Variants in ANO6 observed in about 807,000 individuals in gnomAD.
ANO6 encodes the protein anoctamin-6.
In ANO6, 106 loss-of-function variants were observed where a neutral mutation model predicts 117.5. That is an observed-to-expected ratio of 0.90 (90% CI 0.77 to 1.06). The LOEUF is 1.06. ANO6 is among the 50% of genes least tolerant of loss of function. The pLI is 0.00. For synonymous variants in ANO6, 367 were observed against 385.1 expected, an observed-to-expected ratio of 0.95 and a Z score of 0.55; for missense variants, 955 against 1,121.1, an observed-to-expected ratio of 0.85 and a Z score of 2.12.
intron 19 of ANO6, among the ~76,000 whole-genome samples, chr12:45,426,967 A>G (rs754889174): frequency 1.3e-5 from 2 of 151,676 alleles, no homozygotes; most frequent in Non-Finnish European, 2.9e-5. Context: ...GATGTCTCAC[A>G]TCTGCTGCCC....
At chr12:45,224,494 C>T (rs1384373271) in intron 1 of ANO6, among the ~76,000 whole-genome samples, 1 of 152,168 alleles carries the variant, frequency 6.6e-6, no homozygotes, top group Non-Finnish European at 1.5e-5. Context: ...AGCAAACTAT[C>T]CTCAAACTCT....
intron 2 of ANO6, among the ~76,000 whole-genome samples, chr12:45,308,048 A>ATTTTTTTTT (rs1218638312): frequency 0.069 from 4,765 of 69,218 alleles, 1,251 homozygotes; most frequent in Middle Eastern, 0.13. Context: ...TGTGTGTGTA[A>ATTTTTTTTT]TTTTTTTTTT....
Position 45,216,239 on chromosome 12 carries a change from C to A in ANO6, c.-83C>A. The A allele has an allele frequency of 6.7e-7, 1 of 1,482,388 alleles. No individual in the cohort carries two copies. The highest frequency in any genetic ancestry group is 1.2e-5 in the South Asian group (1 of 82,538). 91.8% of individuals were successfully genotyped at this position (1,482,388 alleles called of 1,614,324 possible). On this transcript the variant is annotated 5_prime_UTR_variant, in exon 1 of 20. Coordinates refer to ENST00000320560, the MANE Select transcript of ANO6 (RefSeq NM_001025356.3). ...GACACACGCCCCGCGGTCCCCGATC[C>A]GGCCCCTGGGAGAGCCGCGCCGTTC... is the stretch of plus-strand genomic sequence containing the variant.
At chr12:45,294,470 G>A (rs1939223039) in intron 1 of ANO6, among the ~76,000 whole-genome samples, 2 of 152,144 alleles carry the variant, frequency 1.3e-5, no homozygotes, top group African/African-American at 4.8e-5. Flanking sequence ...TCTTTGTTGA[G>A]AAGGGGGCCA....
At chr12:45,304,217 GT>G (rs1416737034) in intron 2 of ANO6, among the ~76,000 whole-genome samples, 2 of 152,126 alleles carry the variant, frequency 1.3e-5, no homozygotes, top group African/African-American at 4.8e-5. Flanking sequence ...AGGTGTAGAA[GT>G]GGTGCCTTGA....
At chr12:45,382,528 C>T (rs1942194045) in intron 10 of ANO6, among the ~76,000 whole-genome samples, 1 of 152,186 alleles carries the variant, frequency 6.6e-6, no homozygotes, top group South Asian at 2.1e-4. Flanking sequence ...GGTGCTAAAG[C>T]TTGATCTCAC....
Position 45,431,227 on chromosome 12 carries a change from A to G in ANO6, c.*1916A>G. 1 of 985,334 alleles carries G rather than the reference A, an allele frequency of 1.0e-6. No homozygotes were observed. Among genetic ancestry groups the G allele is most frequent in the Non-Finnish European group, 1.2e-6 (1 of 829,898 alleles). 61.0% of individuals were successfully genotyped at this position (985,334 alleles called of 1,614,324 possible). A position where few individuals can be genotyped will look rare whatever the true frequency, so the allele number is the denominator to read the frequency against. On this transcript the variant is annotated 3_prime_UTR_variant, in exon 20 of 20. Transcript: ENST00000320560. ...GGAGAAATGAATTTCTTCCCACTGAAGGAAACTCTTTCTCATTCGCAGCCA... is the reference window on the plus strand; with the variant it reads ...GGAGAAATGAATTTCTTCCCACTGAGGGAAACTCTTTCTCATTCGCAGCCA...
intron 3 of ANO6, among the ~76,000 whole-genome samples, chr12:45,331,724 A>G (rs1303733833): frequency 6.6e-6 from 1 of 152,106 alleles, no homozygotes; most frequent in African/African-American, 2.4e-5. Flanking sequence ...TGGCTATTCA[A>G]TTAGGTGGCA....
At chr12:45,439,938 G>C in exon 20 of ANO6, 1 of 1,468,954 alleles carries the variant, frequency 6.8e-7, no homozygotes, top group South Asian at 1.6e-5. Context: ...TCTTAAGTTA[G>C]ATTTATTCAA....
intron 1 of ANO6, among the ~76,000 whole-genome samples, chr12:45,221,193 A>C (rs1013922273): frequency 2.0e-5 from 3 of 152,332 alleles, no homozygotes; most frequent in Non-Finnish European, 4.4e-5. Context: ...CTTGCTTGTC[A>C]TGTGGGAAGA....
rs369948637 is a variant in ANO6 at position 45,301,961 on chromosome 12, G to A, written c.71-53G>A. ...TGCTGATTTAAAAGTACAGAACTAC[G>A]TGAGCCAGTGCAGGTTCATGCTTCA... is the stretch of plus-strand genomic sequence containing the variant. On this transcript the variant is annotated intron_variant, in intron 1 of 19. Coordinates refer to ENST00000320560, the MANE Select transcript of ANO6 (RefSeq NM_001025356.3). 124 of 1,467,052 alleles carry A rather than the reference G, an allele frequency of 8.5e-5. No homozygotes were observed. In the East Asian group the frequency reaches 1.8e-3, roughly 21 times the overall value. 90.9% of individuals were successfully genotyped at this position (1,467,052 alleles called of 1,614,324 possible).
In ANO6 at chr12:45,260,852, A is replaced by G. The variant is rs539498899; in HGVS notation, c.71-41162A>G. Among the ~76,000 whole-genome samples the G allele has an allele frequency of 7.9e-5, 12 of 152,118 alleles. 1 individual carries two copies. In the South Asian group the frequency reaches 2.5e-3, roughly 32 times the overall value. On this transcript the variant is annotated intron_variant, in intron 1 of 19. Transcript: ENST00000320560. Reference sequence around the variant, plus strand: ...ACCCAGGCTGGAGTGCAGTGGCGCCATCTTGGCTCACCACAGCCTCAAACT... The same window carrying G: ...ACCCAGGCTGGAGTGCAGTGGCGCCGTCTTGGCTCACCACAGCCTCAAACT...
At chr12:45,337,725 T>A (rs1565700951) in intron 3 of ANO6, among the ~76,000 whole-genome samples, 1 of 152,038 alleles carries the variant, frequency 6.6e-6, no homozygotes, top group Non-Finnish European at 1.5e-5. Flanking sequence ...GGAGAACTAT[T>A]GTACAGCTGA....
chr12:45,261,921 T>G (rs757671198), intron 1 of ANO6, among the ~76,000 whole-genome samples: 3 of 152,214 alleles, frequency 2.0e-5, no homozygotes, highest in Non-Finnish European at 4.4e-5. Context: ...TGGCATGTTT[T>G]ATGGACTATA....
chr12:45,387,522 A>T (rs1942331217), intron 10 of ANO6, among the ~76,000 whole-genome samples: 1 of 152,168 alleles, frequency 6.6e-6, no homozygotes, highest in Non-Finnish European at 1.5e-5. Context: ...AAGGTGCTGG[A>T]ACATATGCTT....
chr12:45,279,271 G>A (rs1565661160), intron 1 of ANO6, among the ~76,000 whole-genome samples: 1 of 152,132 alleles, frequency 6.6e-6, no homozygotes, highest in East Asian at 1.9e-4. Context: ...AGCCTCTTGA[G>A]GGCTTATAAT....
chr12:45,431,292 A>C lies in ANO6; in HGVS notation c.*1981A>C. The C allele has an allele frequency of 1.0e-6, 1 of 985,374 alleles. No homozygotes were observed. The highest frequency in any genetic ancestry group is 1.7e-5 in the African/African-American group (1 of 57,342). The allele number at this position is 985,374 out of a possible 1,614,324, so 61.0% of individuals were successfully genotyped here. On this transcript the variant is annotated 3_prime_UTR_variant, in exon 20 of 20. Coordinates refer to ENST00000320560, the MANE Select transcript of ANO6 (RefSeq NM_001025356.3). ...CTGTTCCTCTCTTCACTCCTGAGAT[A>C]CTGCTTCTGGAAGCGGGTGTCACTT...
chr12:45,428,600 C>G (rs1438388899), intron 19 of ANO6, among the ~76,000 whole-genome samples: 1 of 152,030 alleles, frequency 6.6e-6, no homozygotes, highest in Non-Finnish European at 1.5e-5. Flanking sequence ...ACAGCAATTT[C>G]CAAAAGACTG....
chr12:45,377,974 A>G, intron 9 of ANO6, 79 bp from the exon 10 acceptor site: 1 of 1,369,870 alleles, frequency 7.3e-7, no homozygotes, highest in Non-Finnish European at 1.0e-6. Flanking sequence ...AGACTGTAGA[A>G]TAGACAAAGC....
Sources: allele counts gnomAD v4.1 joint callset (sites outside exome capture counted in the v4.1 genomes callset), GRCh38; gene constraint gnomAD v4.1.1; transcripts MANE v1.5; gene names NCBI Gene and HGNC (gene_info 2026-07-23, HGNC 2026-07-21).